TRANK1: variants seen among roughly 807,000 people sequenced by gnomAD.
TRANK1 encodes TPR and ankyrin repeat-containing protein 1.
Under a neutral mutation model 266.0 loss-of-function variants are expected in TRANK1, and 198 were observed. The ratio of observed to expected loss-of-function variants is 0.74; its 90% CI spans 0.66 to 0.84. TRANK1 has a LOEUF of 0.84. TRANK1 is among the 40% of genes least tolerant of loss of function. TRANK1 has a pLI of 0.00. For missense variants in TRANK1, 3,326 were observed against 3,634.6 expected (o/e 0.92, Z 2.18); for synonymous variants, 1,396 against 1,384.1 (o/e 1.01, Z -0.19).
chr3:36,833,580 G>A lies in TRANK1; in HGVS notation c.6003C>T (p.Ala2001=), dbSNP rs769213106. The A allele has an allele frequency of 6.2e-7, 1 of 1,613,896 alleles. No homozygotes were observed. The highest frequency in any genetic ancestry group is 1.3e-5 in the African/African-American group (1 of 75,048). Residue 2001 remains alanine (A), a synonymous_variant, in exon 22 of 24, where the codon GCC becomes GCT. Coordinates refer to ENST00000645898, the MANE Select transcript of TRANK1 (RefSeq NM_001329998.2). ...TGGTGTGTTCTATGTCGGAATCCCT[G>A]GCCACATTGAGGCGGGCGGCCCCCA... ...CLLGAARLNV[A]RDSDIEHTKD... is the part of the protein sequence containing the mutation.
intron 1 of TRANK1, among the ~76,000 whole-genome samples, chr3:36,941,714 C>A (rs1357375023): frequency 1.3e-5 from 2 of 152,232 alleles, no homozygotes; most frequent in African/African-American, 4.8e-5. Context: ...CTCCCCATCG[C>A]TGTAACCAGC....
chr3:36,907,070 A>C (rs1479468690), intron 2 of TRANK1, among the ~76,000 whole-genome samples: 1 of 152,234 alleles, frequency 6.6e-6, no homozygotes, highest in Admixed American at 6.5e-5. Flanking sequence ...GACATTAAGA[A>C]GGAGATTTAC....
At position 36,880,109 on chromosome 3, in the gene TRANK1, T is replaced by C. The variant is rs1181230605; in HGVS notation, c.908-5813A>G. ...AAACATATATAAATATATATAAACA[T>C]ATATAAATATATATAAACATATAAA... On this transcript the variant is annotated intron_variant, in intron 8 of 23. Transcript: ENST00000645898. 2 of 143,440 alleles carry C rather than the reference T, an allele frequency of 1.4e-5. 1 individual carries two copies. The highest frequency in any genetic ancestry group is 3.0e-5 in the Non-Finnish European group (2 of 65,834). The allele number at this position is 143,440 out of a possible 1,614,324, so 8.9% of individuals were successfully genotyped here.
At chr3:36,845,250 C>G (rs1021068934) in intron 17 of TRANK1, among the ~76,000 whole-genome samples, 11 of 152,166 alleles carry the variant, frequency 7.2e-5, no homozygotes, top group South Asian at 4.2e-4. Flanking sequence ...CTATTTAAAC[C>G]CTTGTTACCC....
chr3:36,940,795 A>C (rs1288414583), intron 1 of TRANK1, among the ~76,000 whole-genome samples: 1 of 152,216 alleles, frequency 6.6e-6, no homozygotes, highest in Non-Finnish European at 1.5e-5. Context: ...CCTTGGATAT[A>C]TCTGAGGAGC....
At chr3:36,883,507 A>G (rs1250574798) in intron 8 of TRANK1, among the ~76,000 whole-genome samples, 1 of 150,298 alleles carries the variant, frequency 6.7e-6, no homozygotes, top group African/African-American at 2.5e-5. Flanking sequence ...CGTGCCAAAG[A>G]GTATCTATAT....
chr3:36,858,803 G>T lies in TRANK1; in HGVS notation c.1587C>A (p.Thr529=). Residue 529 remains threonine, a synonymous_variant, in exon 12 of 24, where the codon ACC becomes ACA. Transcript: ENST00000645898. ...AAATAGCACGGGGGTCTGCGCCCTT[G>T]GTCAAGAGAAGGAAAGCCAACTCGA... The part of the protein sequence containing the change: ...EDFELAFLLL[T]KGADPRAISL... 1 of 1,537,218 alleles carries T rather than the reference G, an allele frequency of 6.5e-7. No homozygotes were observed. The highest frequency in any genetic ancestry group is 2.4e-5 in the East Asian group (1 of 40,920).
chr3:36,919,362 C>T (rs2080181806), intron 1 of TRANK1, among the ~76,000 whole-genome samples: 2 of 152,190 alleles, frequency 1.3e-5, no homozygotes, highest in South Asian at 2.1e-4. Flanking sequence ...AAATGAGTTT[C>T]ACCTGTTCTT....
At chr3:36,892,006 G>A (rs2079703602) in intron 7 of TRANK1, among the ~76,000 whole-genome samples, 196 bp downstream of exon 7, 1 of 152,196 alleles carries the variant, frequency 6.6e-6, no homozygotes, top group African/African-American at 2.4e-5. Context: ...TGGACCTCCT[G>A]CAGCTACTAG....
chr3:36,929,691 A>G (rs2080334929), intron 1 of TRANK1, among the ~76,000 whole-genome samples: 1 of 152,222 alleles, frequency 6.6e-6, no homozygotes, highest in Admixed American at 6.5e-5. Flanking sequence ...ATCCCCAGAA[A>G]CTATGAATAT....
At chr3:36,902,753 G>A (rs990811779) in intron 3 of TRANK1, among the ~76,000 whole-genome samples, 5 of 152,146 alleles carry the variant, frequency 3.3e-5, no homozygotes, top group Non-Finnish European at 5.9e-5. Context: ...ACTTGCGAAC[G>A]GCAAAGAACA....
intron 1 of TRANK1, among the ~76,000 whole-genome samples, chr3:36,937,987 C>G (rs1559482853): frequency 6.6e-6 from 1 of 152,186 alleles, no homozygotes; most frequent in Non-Finnish European, 1.5e-5. Context: ...TTCCACCTCC[C>G]AACCCCAAGA....
intron 1 of TRANK1, among the ~76,000 whole-genome samples, chr3:36,916,552 T>A (rs775525030): frequency 1.8e-4 from 27 of 152,186 alleles, no homozygotes; most frequent in Non-Finnish European, 3.1e-4. Context: ...AGAGCAAGAC[T>A]CTGTCTCAAA....
intron 23 of TRANK1, among the ~76,000 whole-genome samples, 166 bp from the exon 24 acceptor site, chr3:36,828,541 C>G (rs1362635331): frequency 6.6e-6 from 1 of 151,916 alleles, no homozygotes; most frequent in African/African-American, 2.4e-5. Context: ...ATATAGCATC[C>G]TAGTAAAACC....
chr3:36,945,571 G>T (rs1025757608), upstream of TRANK1, among the ~76,000 whole-genome samples: 2 of 152,190 alleles, frequency 1.3e-5, no homozygotes, highest in Non-Finnish European at 2.9e-5. Context: ...GAGTAAGTGC[G>T]CACAGGCCTG....
intron 1 of TRANK1, among the ~76,000 whole-genome samples, chr3:36,921,074 C>T (rs911246645): frequency 2.6e-4 from 40 of 152,178 alleles, no homozygotes; most frequent in African/African-American, 9.7e-4. Flanking sequence ...TCCTGGTTAC[C>T]TGCTTTGACC....
chr3:36,912,889 T>G (rs946631463), intron 1 of TRANK1, among the ~76,000 whole-genome samples: 1 of 152,170 alleles, frequency 6.6e-6, no homozygotes, highest in African/African-American at 2.4e-5. Context: ...TTTTATTTTT[T>G]TGGGGTTTTT....
At chr3:36,878,790 GAAAGA>G (rs2079429126) in intron 8 of TRANK1, among the ~76,000 whole-genome samples, 4 of 134,650 alleles carry the variant, frequency 3.0e-5, no homozygotes, top group African/African-American at 8.4e-5. Flanking sequence ...AAAAAAAAAA[GAAAGA>G]AAAGAAATGG....
At chr3:36,877,702 G>C (rs1358485021) in intron 8 of TRANK1, among the ~76,000 whole-genome samples, 2 of 152,078 alleles carry the variant, frequency 1.3e-5, no homozygotes, top group Non-Finnish European at 2.9e-5. Context: ...ATTTAAAAGG[G>C]AAAAAACTGG....
Sources: allele counts gnomAD v4.1 joint callset (sites outside exome capture counted in the v4.1 genomes callset), GRCh38; gene constraint gnomAD v4.1.1; transcripts MANE v1.5; gene names NCBI Gene and HGNC (gene_info 2026-07-23, HGNC 2026-07-21).